The following ABCB11 variants were observed in gnomAD, a reference collection of about 807,000 sequenced individuals.
ABCB11 encodes bile salt export pump.
In ABCB11, 95 loss-of-function variants were observed where a neutral mutation model predicts 148.0. The observed-to-expected ratio is 0.64, with a 90% CI of 0.54 to 0.76. The LOEUF (loss-of-function observed/expected upper bound fraction) is 0.76, where lower values mean the gene tolerates loss of function less well. Ranked by LOEUF, ABCB11 falls within the 30% of genes least tolerant of loss-of-function variation. The pLI, the probability that ABCB11 is intolerant of heterozygous loss-of-function variation, is 0.00. For synonymous variants in ABCB11, 591 were observed against 555.4 expected, an observed-to-expected ratio of 1.06 and a Z score of -0.90; for missense variants, 1,523 against 1,617.8, an observed-to-expected ratio of 0.94 and a Z score of 1.01.
chr2:168,995,680 T>C (rs1263673851), intron 6 of ABCB11, among the ~76,000 whole-genome samples, 198 bp from the exon 7 acceptor site: 1 of 151,878 alleles, frequency 6.6e-6, no homozygotes, highest in East Asian at 1.9e-4. Flanking sequence ...TTCAGCAGGG[T>C]AGCCTGAGAT....
downstream of ABCB11, among the ~76,000 whole-genome samples, chr2:168,916,378 T>C (rs1690942001): frequency 6.6e-6 from 1 of 152,212 alleles, no homozygotes; most frequent in Non-Finnish European, 1.5e-5. Context: ...TATTTTTTCT[T>C]TTTACATAAC....
At position 168,976,706 on chromosome 2, in the gene ABCB11, G is replaced by A; in HGVS notation, c.1198-19C>T. ...TGGGTTTCTGGAGTGAAATACAAAAGGGACACAGTGTAAACTCAAACTAAG... is the reference window on the plus strand; with the variant it reads ...TGGGTTTCTGGAGTGAAATACAAAAAGGACACAGTGTAAACTCAAACTAAG... On this transcript the variant is annotated intron_variant, in intron 11 of 27. Transcript: ENST00000650372. The A allele has an allele frequency of 2.0e-6, 3 of 1,490,258 alleles. No homozygotes were observed. Among genetic ancestry groups the A allele is most frequent in the Non-Finnish European group, 2.8e-6 (3 of 1,068,860 alleles). The allele number at this position is 1,490,258 out of a possible 1,614,324, so 92.3% of individuals were successfully genotyped here.
At chr2:168,947,045 C>T (rs1434846802) in intron 19 of ABCB11, among the ~76,000 whole-genome samples, 1 of 151,764 alleles carries the variant, frequency 6.6e-6, no homozygotes. Context: ...CCATAGATTC[C>T]TCTGTTCCTT....
downstream of ABCB11, among the ~76,000 whole-genome samples, chr2:168,920,521 C>G (rs761224635): frequency 6.6e-6 from 1 of 150,388 alleles, no homozygotes. Flanking sequence ...GAGAAATTTC[C>G]CCAACTTTAT....
chr2:169,025,209 C>T (rs571364069), intron 1 of ABCB11, among the ~76,000 whole-genome samples: 1 of 152,262 alleles, frequency 6.6e-6, no homozygotes, highest in African/African-American at 2.4e-5. Context: ...GCAAATACCT[C>T]GTAGTATTTA....
chr2:168,934,789 T>C (rs1307865189), intron 23 of ABCB11, among the ~76,000 whole-genome samples: 1 of 152,248 alleles, frequency 6.6e-6, no homozygotes, highest in African/African-American at 2.4e-5. Flanking sequence ...TATTTTTTTC[T>C]ATTCCTTAAA....
At position 169,016,979 on chromosome 2, in the gene ABCB11, T is replaced by TACACAC. The variant is rs71397686; in HGVS notation, c.77-186_77-181dup. 0.064 allele frequency among the ~76,000 whole-genome samples: 8,887 copies of TACACAC among 138,010 alleles called. 310 individuals are homozygous for TACACAC. The highest frequency in any genetic ancestry group is 0.093 in the Middle Eastern group (25 of 268). 90.5% of individuals were successfully genotyped at this position (138,010 alleles called of 152,430 possible). A position where few individuals can be genotyped will look rare whatever the true frequency, so the allele number is the denominator to read the frequency against. On this transcript the variant is annotated intron_variant, in intron 2 of 27. Coordinates refer to ENST00000650372, the MANE Select transcript of ABCB11 (RefSeq NM_003742.4). ...CTCATATTGTCTCTCTCTATCTTTC[T>TACACAC]ACACACACACACACACACACACACA...
intron 17 of ABCB11, among the ~76,000 whole-genome samples, chr2:168,966,327 G>A (rs545041613): frequency 6.6e-6 from 1 of 151,984 alleles, no homozygotes; most frequent in East Asian, 2.0e-4. Context: ...TTCTGAGTAT[G>A]GGAAGACCTA....
intron 23 of ABCB11, 100 bp downstream of exon 23, chr2:168,935,084 C>A (rs1691753677): frequency 6.7e-7 from 1 of 1,491,568 alleles, no homozygotes; most frequent in South Asian, 1.3e-5. Context: ...AGACACCAAG[C>A]TTGGGATGGT....
chr2:169,008,863 GT>G (rs2106038255), intron 5 of ABCB11, among the ~76,000 whole-genome samples: 1 of 152,270 alleles, frequency 6.6e-6, no homozygotes, highest in African/African-American at 2.4e-5. Context: ...AGAATTATTT[GT>G]AATAGCTCAA....
At chr2:168,973,577 A>G in intron 13 of ABCB11, 138 bp downstream of exon 13, 1 of 1,083,310 alleles carries the variant, frequency 9.2e-7, no homozygotes, top group Non-Finnish European at 1.3e-6. Context: ...GTGTCCCATC[A>G]ATTCAGTAAC....
In ABCB11 at chr2:168,957,903, T is replaced by G. The variant is rs879058258; in HGVS notation, c.2343+61A>C. ...AAATACATGAAAACAAAGAGCGGAC[T>G]TATCAAAATAATAAAATAAAAGGTA... On this transcript the variant is annotated intron_variant, in intron 19 of 27. Coordinates refer to ENST00000650372, the MANE Select transcript of ABCB11 (RefSeq NM_003742.4). 2.2e-6 allele frequency: 3 copies of G among 1,353,154 alleles called. No individual in the cohort carries two copies. In the South Asian group the frequency reaches 5.8e-5, roughly 26 times the overall value. 83.8% of individuals were successfully genotyped at this position (1,353,154 alleles called of 1,614,324 possible). A position where few individuals can be genotyped will look rare whatever the true frequency, so the allele number is the denominator to read the frequency against.
At chr2:168,930,264 T>A (rs528919602) in intron 25 of ABCB11, among the ~76,000 whole-genome samples, 2 of 152,364 alleles carry the variant, frequency 1.3e-5, no homozygotes, top group African/African-American at 4.8e-5. Flanking sequence ...GATCTTTTCA[T>A]GCTAACTCTC....
intron 21 of ABCB11, among the ~76,000 whole-genome samples, chr2:168,938,828 A>T (rs1334141297): frequency 6.6e-6 from 1 of 152,032 alleles, no homozygotes; most frequent in Non-Finnish European, 1.5e-5. Flanking sequence ...TTCAATTGGT[A>T]TTTTTTTAAA....
intron 12 of ABCB11, among the ~76,000 whole-genome samples, chr2:168,975,757 C>A (rs979783722): frequency 1.4e-5 from 2 of 144,700 alleles, no homozygotes; most frequent in Admixed American, 7.1e-5. Flanking sequence ...ATATATATAT[C>A]ATATATATAT....
chr2:168,927,643 G>A (rs1393169796), intron 25 of ABCB11, among the ~76,000 whole-genome samples: 1 of 152,110 alleles, frequency 6.6e-6, no homozygotes, highest in Non-Finnish European at 1.5e-5. Flanking sequence ...CAGGTATTCA[G>A]GTAAGAAACA....
At chr2:168,938,558 G>A (rs1691927887) in intron 21 of ABCB11, among the ~76,000 whole-genome samples, 1 of 152,104 alleles carries the variant, frequency 6.6e-6, no homozygotes, top group African/African-American at 2.4e-5. Context: ...CAAGGGTACA[G>A]AATTTCTCTT....
intron 24 of ABCB11, 49 bp from the exon 25 acceptor site, chr2:168,930,911 A>C: frequency 6.7e-7 from 1 of 1,489,872 alleles, no homozygotes; most frequent in Non-Finnish European, 9.1e-7. Context: ...GAAGCCTAGA[A>C]TATTGAAAAC....
intron 4 of ABCB11, 135 bp downstream of exon 4, chr2:169,014,168 G>A (rs1229632877): frequency 3.6e-6 from 3 of 830,476 alleles, no homozygotes; most frequent in Non-Finnish European, 6.1e-6. Flanking sequence ...TATCACATAG[G>A]CAAAGCCTAT....
Sources: gnomAD v4.1 joint callset for allele counts (sites outside exome capture counted in the v4.1 genomes callset) on GRCh38, gnomAD v4.1.1 for gene constraint, MANE v1.5 for transcripts, NCBI Gene and HGNC (gene_info 2026-07-23, HGNC 2026-07-21) for gene names.